The following GDAP2 variants were observed in gnomAD, a reference collection of about 807,000 sequenced individuals.
GDAP2 encodes the protein ganglioside-induced differentiation-associated protein 2.
GDAP2 carries 51 observed loss-of-function variants against 67.0 expected under a neutral mutation model. The ratio of observed to expected loss-of-function variants is 0.76; its 90% CI spans 0.61 to 0.96. GDAP2 has a LOEUF of 0.96. GDAP2 is among the 40% of genes least tolerant of loss of function. The pLI, the probability that GDAP2 is intolerant of heterozygous loss-of-function variation, is 0.00. For synonymous variants in GDAP2, 203 were observed against 207.3 expected (o/e 0.98, Z 0.18); for missense variants, 547 against 588.3 (o/e 0.93, Z 0.73).
At chr1:117,917,245 CTT>C (rs1650081164) in intron 3 of GDAP2, among the ~76,000 whole-genome samples, 1 of 152,082 alleles carries the variant, frequency 6.6e-6, no homozygotes, top group African/African-American at 2.4e-5. Flanking sequence ...TCCTGTTACT[CTT>C]TTCAGCTTTC....
chr1:117,904,088 G>A (rs1160880089), intron 6 of GDAP2, among the ~76,000 whole-genome samples: 1 of 151,686 alleles, frequency 6.6e-6, no homozygotes, highest in Non-Finnish European at 1.5e-5. Flanking sequence ...CTGGGTTCAA[G>A]TGATTCTCAT....
intron 6 of GDAP2, among the ~76,000 whole-genome samples, chr1:117,899,687 T>TA (rs1292177385): frequency 2.0e-5 from 3 of 152,000 alleles, no homozygotes; most frequent in Non-Finnish European, 2.9e-5. Flanking sequence ...GAATTTTACT[T>TA]AAAAAAAACC....
At chr1:117,913,752 C>G (rs1291303358) in intron 3 of GDAP2, among the ~76,000 whole-genome samples, 1 of 152,140 alleles carries the variant, frequency 6.6e-6, no homozygotes, top group African/African-American at 2.4e-5. Flanking sequence ...CTGTTATGAA[C>G]TGAATGCTTC....
intron 10 of GDAP2, among the ~76,000 whole-genome samples, chr1:117,885,401 G>A (rs116021405): frequency 0.013 from 2,045 of 152,030 alleles, 37 homozygotes; most frequent in South Asian, 0.094. Flanking sequence ...TATTTTCCTT[G>A]TTTTTGTGCT....
At position 117,866,445 on chromosome 1, in the gene GDAP2, C is replaced by A. The variant is rs1012534419; in HGVS notation, c.*4124G>T. 1 of 152,188 alleles carries A rather than the reference C, an allele frequency of 6.6e-6. No homozygotes were observed. The highest frequency in any genetic ancestry group is 2.4e-5 in the African/African-American group (1 of 41,448). 9.4% of individuals were successfully genotyped at this position (152,188 alleles called of 1,614,324 possible). On this transcript the variant is annotated 3_prime_UTR_variant, in exon 14 of 14. Transcript: ENST00000369443. ...GGTAAGGTAAAGCCCTCCTTTCATT[C>A]TTCATGGTCTTTTTGCAAAACAAGA...
chr1:117,918,579 G>A lies in GDAP2; in HGVS notation c.316+18C>T. ...GAATGTTTTCTAAGCAATAATATAT[G>A]AAAGAAAATTCACTCACCTTTAAGT... is the stretch of plus-strand genomic sequence containing the variant. On this transcript the variant is annotated intron_variant, in intron 3 of 13. Transcript: ENST00000369443. The A allele has an allele frequency of 6.4e-7, 1 of 1,573,354 alleles. No individual in the cohort carries two copies. The highest frequency in any genetic ancestry group is 1.1e-5 in the South Asian group (1 of 90,148).
At chr1:117,891,313 G>C (rs763122266) in intron 8 of GDAP2, among the ~76,000 whole-genome samples, 17 of 151,666 alleles carry the variant, frequency 1.1e-4, no homozygotes, top group Non-Finnish European at 2.9e-5. Flanking sequence ...GAGTGAAAGT[G>C]CTAGGTTACA....
Position 117,868,076 on chromosome 1 carries a change from T to C in GDAP2, c.*2493A>G, listed in dbSNP as rs1648135672. ...GATGCTGGTGGTCATCTCCATCCAG[T>C]ATCCCCTTTATCCTCTAATATGTCC... On this transcript the variant is annotated 3_prime_UTR_variant, in exon 14 of 14. Transcript: ENST00000369443. 6.6e-6 allele frequency: 1 copy of C among 152,230 alleles called. No homozygotes were observed. Among genetic ancestry groups the C allele is most frequent in the African/African-American group, 2.4e-5 (1 of 41,470 alleles). The allele number at this position is 152,230 out of a possible 1,614,324, so 9.4% of individuals were successfully genotyped here. A position where few individuals can be genotyped will look rare whatever the true frequency, so the allele number is the denominator to read the frequency against.
chr1:117,902,436 C>G (rs1649511629), intron 6 of GDAP2, among the ~76,000 whole-genome samples: 1 of 152,192 alleles, frequency 6.6e-6, no homozygotes, highest in Admixed American at 6.5e-5. Flanking sequence ...ATAACTTTAG[C>G]TCTTACATTG....
At chr1:117,883,198 T>A (rs1379575241) in intron 11 of GDAP2, 1 of 202,220 alleles carries the variant, frequency 4.9e-6, no homozygotes, top group Non-Finnish European at 1.0e-5. Context: ...AAATAATGTT[T>A]ATAAATGTAT....
intron 13 of GDAP2, among the ~76,000 whole-genome samples, chr1:117,874,478 C>A (rs534545599): frequency 6.6e-6 from 1 of 152,304 alleles, no homozygotes; most frequent in Admixed American, 6.5e-5. Context: ...GCTTCTTGTA[C>A]AGCCTGCAGA....
At chr1:117,878,347 T>C (rs1296390921) in intron 12 of GDAP2, among the ~76,000 whole-genome samples, 195 bp from the exon 13 acceptor site, 1 of 152,314 alleles carries the variant, frequency 6.6e-6, no homozygotes, top group Non-Finnish European at 1.5e-5. Flanking sequence ...GAAACGAGGA[T>C]AACACTGACT....
At chr1:117,872,786 T>C (rs1648335939) in intron 13 of GDAP2, among the ~76,000 whole-genome samples, 1 of 152,146 alleles carries the variant, frequency 6.6e-6, no homozygotes, top group Non-Finnish European at 1.5e-5. Flanking sequence ...CCATGGCACA[T>C]GTTTACCTGT....
chr1:117,920,082 C>T (rs1025448453), intron 2 of GDAP2, 100 bp downstream of exon 2: 34 of 681,690 alleles, frequency 5.0e-5, no homozygotes, highest in Non-Finnish European at 7.3e-5. Flanking sequence ...TACGTATACG[C>T]AAAGCTGTAT....
chr1:117,876,949 A>C (rs1186598129), intron 13 of GDAP2, among the ~76,000 whole-genome samples: 1 of 152,168 alleles, frequency 6.6e-6, no homozygotes, highest in Non-Finnish European at 1.5e-5. Context: ...CCATTTTTTT[A>C]AGCATTAAGA....
intron 12 of GDAP2, among the ~76,000 whole-genome samples, chr1:117,878,922 G>A (rs182247079): frequency 1.6e-3 from 246 of 152,276 alleles, no homozygotes; most frequent in African/African-American, 5.4e-3. Context: ...TGATATTGTT[G>A]CTATCCCCAT....
intron 3 of GDAP2, among the ~76,000 whole-genome samples, chr1:117,913,942 C>T (rs774378383): frequency 6.6e-6 from 1 of 152,150 alleles, no homozygotes; most frequent in Non-Finnish European, 1.5e-5. Flanking sequence ...CGTGAAAATA[C>T]AATGAAAACT....
chr1:117,899,733 A>G (rs1226312631), intron 6 of GDAP2, among the ~76,000 whole-genome samples: 1 of 152,150 alleles, frequency 6.6e-6, no homozygotes, highest in African/African-American at 2.4e-5. Flanking sequence ...TGTAATTCCC[A>G]TATCGATTGG....
intron 12 of GDAP2, among the ~76,000 whole-genome samples, chr1:117,878,527 A>C (rs1648545151): frequency 6.6e-6 from 1 of 152,222 alleles, no homozygotes; most frequent in Non-Finnish European, 1.5e-5. Context: ...CAGTCTTCTG[A>C]AAATGGTTAA....
Sources: gnomAD v4.1 joint callset for allele counts (sites outside exome capture counted in the v4.1 genomes callset) on GRCh38, gnomAD v4.1.1 for gene constraint, MANE v1.5 for transcripts, NCBI Gene and HGNC (gene_info 2026-07-23, HGNC 2026-07-21) for gene names.